The following CNTLN variants were observed in gnomAD, a reference collection of about 807,000 sequenced individuals.
CNTLN encodes centlein.
A neutral mutation model predicts 180.0 loss-of-function variants in CNTLN; 212 were observed. The observed-to-expected ratio is 1.18, with a 90% CI of 1.05 to 1.32. The LOEUF (loss-of-function observed/expected upper bound fraction) is 1.32. Among genes scored for constraint, CNTLN ranks in the 40% most tolerant of loss-of-function variants. The pLI is 0.00. For synonymous variants in CNTLN, 722 were observed against 563.1 expected (o/e 1.28, Z -3.99); for missense variants, 2,095 against 1,610.9 (o/e 1.30, Z -5.14).
rs1463674373 is a variant in CNTLN, at chr9:17,376,403, A to G, written c.1987+9686A>G. Among the ~76,000 whole-genome samples, 3 of 152,016 alleles carry G rather than the reference A, an allele frequency of 2.0e-5. No individual in the cohort carries two copies. The East Asian group carries it at 5.8e-4, about 29-fold the overall frequency. ...AACATGTTAGAGATAAAAATTTTTA[A>G]TATTATCATATAACCATCTCTTTTT... On this transcript the variant is annotated intron_variant, in intron 13 of 25. Coordinates refer to ENST00000380647, the MANE Select transcript of CNTLN (RefSeq NM_017738.4).
In CNTLN at chr9:17,357,579, C is replaced by CATAT. The variant is rs370275927; in HGVS notation, c.1887-9026_1887-9023dup. Among the ~76,000 whole-genome samples the CATAT allele has an allele frequency of 8.9e-4, 108 of 120,914 alleles. 1 individual carries two copies. Among genetic ancestry groups the CATAT allele is most frequent in the African/African-American group, 2.2e-3 (76 of 34,100 alleles). The allele number at this position is 120,914 out of a possible 152,430, so 79.3% of individuals were successfully genotyped here. A position where few individuals can be genotyped will look rare whatever the true frequency, so the allele number is the denominator to read the frequency against. On this transcript the variant is annotated intron_variant, in intron 12 of 25. Coordinates refer to ENST00000380647, the MANE Select transcript of CNTLN (RefSeq NM_017738.4). ...GTACCATGTATATATATAAATACTA[C>CATAT]ATATATATATATATAAATACTACAT...
chr9:17,511,379 T>G, the CNTLN span, among the ~76,000 whole-genome samples: 2 of 152,146 alleles, frequency 1.3e-5, no homozygotes, highest in Non-Finnish European at 2.9e-5. Context: ...TAAAACAACA[T>G]TTATTTGGGC....
At chr9:17,292,280 T>A (rs1418478694) in intron 6 of CNTLN, among the ~76,000 whole-genome samples, 2 of 152,116 alleles carry the variant, frequency 1.3e-5, no homozygotes, top group African/African-American at 2.4e-5. Flanking sequence ...ATTATGTGTG[T>A]TAGGGCTGAT....
chr9:17,286,784 C>T (rs886236230), intron 6 of CNTLN, among the ~76,000 whole-genome samples: 6 of 113,270 alleles, frequency 5.3e-5, no homozygotes, highest in Admixed American at 4.5e-4. Flanking sequence ...AATGGGAGTT[C>T]ACTCATGATT....
intron 20 of CNTLN, 64 bp downstream of exon 20, chr9:17,463,077 A>C (rs922765371): frequency 4.0e-5 from 36 of 897,416 alleles, no homozygotes; most frequent in Admixed American, 1.1e-4. Flanking sequence ...GCTCTATTAA[A>C]CGTGCTCCAA....
chr9:17,457,442 G>T (rs1440827254), intron 18 of CNTLN, 82 bp from the exon 19 acceptor site: 1 of 761,824 alleles, frequency 1.3e-6, no homozygotes, highest in African/African-American at 1.8e-5. Context: ...CCTAGCTGTA[G>T]AATTTTATGC....
At chr9:17,284,040 A>C (rs1358907347) in intron 6 of CNTLN, among the ~76,000 whole-genome samples, 5 of 151,646 alleles carry the variant, frequency 3.3e-5, no homozygotes, top group Admixed American at 2.0e-4. Context: ...TGTTTTTTTG[A>C]GACAGAGTTT....
At chr9:17,141,492 T>G (rs899435811) in intron 1 of CNTLN, among the ~76,000 whole-genome samples, 1 of 152,140 alleles carries the variant, frequency 6.6e-6, no homozygotes, top group African/African-American at 2.4e-5. Flanking sequence ...AGAAAGTCTG[T>G]GTGAACAAGG....
chr9:17,345,838 A>G (rs1035988655), intron 12 of CNTLN, among the ~76,000 whole-genome samples: 2 of 152,144 alleles, frequency 1.3e-5, no homozygotes, highest in Non-Finnish European at 2.9e-5. Flanking sequence ...GGTAAATATA[A>G]TAGAGGTATT....
chr9:17,283,606 T>C (rs1828796393), intron 6 of CNTLN, among the ~76,000 whole-genome samples: 1 of 152,166 alleles, frequency 6.6e-6, no homozygotes, highest in Non-Finnish European at 1.5e-5. Flanking sequence ...CTTCCCTGAC[T>C]GCCCTGGCCA....
intron 23 of CNTLN, among the ~76,000 whole-genome samples, chr9:17,477,096 T>G (rs1203664325): frequency 2.0e-5 from 3 of 152,196 alleles, no homozygotes; most frequent in Non-Finnish European, 4.4e-5. Flanking sequence ...CTATGCTCCA[T>G]AAATGGAACA....
intron 12 of CNTLN, among the ~76,000 whole-genome samples, chr9:17,362,849 A>G (rs769057013): frequency 9.2e-5 from 14 of 152,094 alleles, no homozygotes; most frequent in Non-Finnish European, 1.9e-4. Context: ...TCAACCCATC[A>G]TCTACATTAA....
At chr9:17,164,710 G>C (rs1207928871) in intron 2 of CNTLN, among the ~76,000 whole-genome samples, 1 of 151,566 alleles carries the variant, frequency 6.6e-6, no homozygotes, top group Non-Finnish European at 1.5e-5. Context: ...GCCTCCCAAA[G>C]TGCTGGGATT....
chr9:17,519,299 T>C, the CNTLN span, among the ~76,000 whole-genome samples: 7 of 151,850 alleles, frequency 4.6e-5, no homozygotes, highest in Admixed American at 4.6e-4. Flanking sequence ...AAACACAGTA[T>C]TGCATGAGGG....
At chr9:17,430,853 A>G (rs181708061) in intron 18 of CNTLN, among the ~76,000 whole-genome samples, 2 of 151,932 alleles carry the variant, frequency 1.3e-5, no homozygotes, top group Admixed American at 1.3e-4. Context: ...TCCCTCAGTT[A>G]CTCCCATCTT....
At chr9:17,367,103 A>C (rs2133443999) in intron 13 of CNTLN, among the ~76,000 whole-genome samples, 1 of 152,334 alleles carries the variant, frequency 6.6e-6, no homozygotes, top group African/African-American at 2.4e-5. Flanking sequence ...GAGGGTAGGA[A>C]AGACAGTCTT....
chr9:17,479,909 A>G (rs1832547084), intron 23 of CNTLN, among the ~76,000 whole-genome samples: 1 of 152,204 alleles, frequency 6.6e-6, no homozygotes, highest in Non-Finnish European at 1.5e-5. Context: ...AAAAGCTTTA[A>G]AAGATTTAAA....
At chr9:17,328,533 T>G (rs1478804163) in intron 8 of CNTLN, among the ~76,000 whole-genome samples, 1 of 152,166 alleles carries the variant, frequency 6.6e-6, no homozygotes, top group Non-Finnish European at 1.5e-5. Context: ...TCATATTTAA[T>G]ACTTAAAAAA....
intron 9 of CNTLN, 96 bp from the exon 10 acceptor site, chr9:17,332,508 AT>A (rs1820712481): frequency 8.7e-7 from 1 of 1,149,944 alleles, no homozygotes; most frequent in African/African-American, 1.7e-5. Context: ...TTTATAATTC[AT>A]TATTAGTATT....
Sources: allele counts gnomAD v4.1 joint callset (sites outside exome capture counted in the v4.1 genomes callset), GRCh38; gene constraint gnomAD v4.1.1; transcripts MANE v1.5; gene names NCBI Gene and HGNC (gene_info 2026-07-23, HGNC 2026-07-21).